SRGAP1: variants seen among roughly 807,000 people sequenced by gnomAD.
SRGAP1 encodes SLIT-ROBO Rho GTPase activating protein 1.
In SRGAP1, 43 loss-of-function variants were observed where a neutral mutation model predicts 121.9. That is an observed-to-expected ratio of 0.35 (90% CI 0.28 to 0.46). SRGAP1 has a LOEUF of 0.46. SRGAP1 is among the 20% of genes least tolerant of loss of function. The probability of loss-of-function intolerance (pLI) is 1.00; values close to 1 mark genes in which losing one functional copy is unlikely to be tolerated. For missense variants in SRGAP1, 1,102 were observed against 1,350.9 expected, an observed-to-expected ratio of 0.82 and a Z score of 2.89; for synonymous variants, 447 against 485.4, an observed-to-expected ratio of 0.92 and a Z score of 1.04.
intron 1 of SRGAP1, among the ~76,000 whole-genome samples, chr12:63,883,663 CT>C (rs144792182): frequency 9.6e-4 from 136 of 142,348 alleles, no homozygotes; most frequent in Non-Finnish European, 1.1e-3. Flanking sequence ...TTTCTTTTTT[CT>C]TTTTTTTTTT....
intron 1 of SRGAP1, among the ~76,000 whole-genome samples, chr12:63,854,777 G>A (rs1899184204): frequency 6.6e-6 from 1 of 152,050 alleles, no homozygotes. Flanking sequence ...TATGACATTT[G>A]AATTATTTAT....
At chr12:64,090,306 G>T (rs2036026703) in intron 11 of SRGAP1, among the ~76,000 whole-genome samples, 1 of 152,216 alleles carries the variant, frequency 6.6e-6, no homozygotes, top group Admixed American at 6.5e-5. Flanking sequence ...GAGCAAATGG[G>T]CAGACTGGAG....
At chr12:63,965,757 T>C (rs1294550789) in intron 1 of SRGAP1, among the ~76,000 whole-genome samples, 1 of 152,248 alleles carries the variant, frequency 6.6e-6, no homozygotes, top group African/African-American at 2.4e-5. Flanking sequence ...CTTTCTACTT[T>C]TCCAATTTTC....
chr12:63,885,800 AG>A (rs1362775413), intron 1 of SRGAP1, among the ~76,000 whole-genome samples: 1 of 152,204 alleles, frequency 6.6e-6, no homozygotes, highest in Non-Finnish European at 1.5e-5. Context: ...GACTGCACCA[AG>A]GGCTATTGGA....
At chr12:63,886,517 T>C (rs1411545580) in intron 1 of SRGAP1, among the ~76,000 whole-genome samples, 2 of 149,238 alleles carry the variant, frequency 1.3e-5, no homozygotes, top group Non-Finnish European at 2.9e-5. Flanking sequence ...AGTCTCACCT[T>C]GTCGTCCAGG....
chr12:64,108,883 TA>T, intron 15 of SRGAP1, 48 bp from the exon 16 acceptor site: 1 of 1,417,414 alleles, frequency 7.1e-7, no homozygotes, highest in Non-Finnish European at 9.8e-7. Flanking sequence ...TGTTCTGTTT[TA>T]AATGTGGCAA....
chr12:63,904,587 A>C (rs2136310040), intron 1 of SRGAP1, among the ~76,000 whole-genome samples: 1 of 152,302 alleles, frequency 6.6e-6, no homozygotes, highest in South Asian at 2.1e-4. Context: ...TTAAAGATTT[A>C]TTTTTAACAA....
intron 21 of SRGAP1, among the ~76,000 whole-genome samples, chr12:64,132,131 G>A (rs1007584539): frequency 5.3e-5 from 8 of 152,158 alleles, no homozygotes; most frequent in East Asian, 1.9e-4. Context: ...CCAAGATCAC[G>A]CCACTGCACT....
chr12:64,028,910 T>C (rs1259683493), intron 4 of SRGAP1, among the ~76,000 whole-genome samples: 1 of 152,260 alleles, frequency 6.6e-6, no homozygotes, highest in African/African-American at 2.4e-5. Flanking sequence ...GCATTCACTG[T>C]GTACCAGTGA....
rs557102804 is a variant in SRGAP1 at position 63,962,401 on chromosome 12, TG to T, written c.68-21543del. Among the ~76,000 whole-genome samples, 441 of 152,284 alleles carry T rather than the reference TG, an allele frequency of 2.9e-3. 1 individual carries two copies. The highest frequency in any genetic ancestry group is 5.0e-3 in the Non-Finnish European group (337 of 68,028). ...TCCCCTTGACCAATGGTTTGGTGAT[TG>T]GGAGTGAGAAACATTCTTTTTTTGA... On this transcript the variant is annotated intron_variant, in intron 1 of 21. Transcript: ENST00000355086.
At chr12:64,043,704 CTTTTA>C (rs1185655064) in intron 6 of SRGAP1, 129 bp downstream of exon 6, 1 of 678,690 alleles carries the variant, frequency 1.5e-6, no homozygotes, top group Non-Finnish European at 2.3e-6. Flanking sequence ...GAAAAAAATA[CTTTTA>C]TTTAAATTAT....
intron 1 of SRGAP1, among the ~76,000 whole-genome samples, chr12:63,858,297 A>G (rs1899322780): frequency 6.7e-6 from 1 of 149,744 alleles, no homozygotes; most frequent in Non-Finnish European, 1.5e-5. Context: ...CTATGATTTT[A>G]CTTTTTAATA....
At chr12:63,972,946 G>A (rs1169527456) in intron 1 of SRGAP1, among the ~76,000 whole-genome samples, 1 of 151,940 alleles carries the variant, frequency 6.6e-6, no homozygotes, top group Non-Finnish European at 1.5e-5. Flanking sequence ...TCAGGAGCTC[G>A]AGACCAGCCT....
At chr12:64,092,037 T>A (rs1466921787) in intron 12 of SRGAP1, 13 of 894,154 alleles carry the variant, frequency 1.5e-5, no homozygotes, top group Non-Finnish European at 2.2e-5. Context: ...GAAAAATGTT[T>A]GCATTTGGAA....
rs1330027958 is a variant in SRGAP1, at chr12:64,155,552, T to C, written c.*12880T>C. 1.3e-5 allele frequency: 2 copies of C among 151,460 alleles called. No individual in the cohort carries two copies. The highest frequency in any genetic ancestry group is 2.0e-4 in the East Asian group (1 of 5,060). 9.4% of individuals were successfully genotyped at this position (151,460 alleles called of 1,614,324 possible). On this transcript the variant is annotated 3_prime_UTR_variant, in exon 22 of 22. Coordinates refer to ENST00000355086, the MANE Select transcript of SRGAP1 (RefSeq NM_020762.4). ...GAGTGGGACTCCGTCTCAAAATAAA[T>C]AAATAAATAAATATATTAAAAAATA...
intron 1 of SRGAP1, among the ~76,000 whole-genome samples, chr12:63,916,217 G>A (rs115673639): frequency 0.013 from 1,975 of 151,922 alleles, 32 homozygotes; most frequent in African/African-American, 0.045. Context: ...TAGAAATGAG[G>A]TTTCACCATG....
chr12:64,041,387 A>T (rs912031347), intron 4 of SRGAP1, among the ~76,000 whole-genome samples: 2 of 149,032 alleles, frequency 1.3e-5, no homozygotes, highest in African/African-American at 5.0e-5. Flanking sequence ...TTATTTATTT[A>T]TTTATTTATT....
intron 1 of SRGAP1, among the ~76,000 whole-genome samples, chr12:63,961,188 A>C (rs1372708878): frequency 6.6e-6 from 1 of 152,216 alleles, no homozygotes; most frequent in Non-Finnish European, 1.5e-5. Flanking sequence ...CATACCACGT[A>C]TCAAGTGCTC....
intron 1 of SRGAP1, among the ~76,000 whole-genome samples, chr12:63,951,075 G>T (rs2032275138): frequency 1.4e-5 from 2 of 143,636 alleles, no homozygotes; most frequent in South Asian, 4.5e-4. Flanking sequence ...TATCTCAGGT[G>T]TCTTATCTGA....
Sources: allele counts gnomAD v4.1 joint callset (sites outside exome capture counted in the v4.1 genomes callset), GRCh38; gene constraint gnomAD v4.1.1; transcripts MANE v1.5; gene names NCBI Gene and HGNC (gene_info 2026-07-23, HGNC 2026-07-21).